Variants in CNOT4 observed in about 807,000 individuals in gnomAD.
CNOT4 encodes the protein CCR4-associated factor 4.
In CNOT4, 8 loss-of-function variants were observed where a neutral mutation model predicts 73.8. The ratio of observed to expected loss-of-function variants is 0.11; its 90% CI spans 0.06 to 0.20. The LOEUF (loss-of-function observed/expected upper bound fraction) is 0.20, where lower values mean the gene tolerates loss of function less well. Ranked by LOEUF, CNOT4 falls within the 10% of genes least tolerant of loss-of-function variation. The probability of loss-of-function intolerance (pLI) is 1.00; values close to 1 mark genes in which losing one functional copy is unlikely to be tolerated. For missense variants in CNOT4, 564 were observed against 883.4 expected (o/e 0.64, Z 4.58); for synonymous variants, 293 against 321.1 (o/e 0.91, Z 0.94).
chr7:135,502,507 CAA>C (rs1024777826), intron 1 of CNOT4, among the ~76,000 whole-genome samples: 11 of 152,160 alleles, frequency 7.2e-5, no homozygotes, highest in Non-Finnish European at 1.3e-4. Flanking sequence ...GTTCCATAAG[CAA>C]AGTCTGTTTG....
At chr7:135,503,773 A>G (rs574070468) in intron 1 of CNOT4, among the ~76,000 whole-genome samples, 12 of 152,346 alleles carry the variant, frequency 7.9e-5, no homozygotes, top group South Asian at 4.1e-4. Flanking sequence ...AGGAAAAAAT[A>G]TAATCAAATA....
intron 1 of CNOT4, among the ~76,000 whole-genome samples, chr7:135,459,248 G>T (rs187809029): frequency 6.6e-6 from 1 of 151,998 alleles, no homozygotes; most frequent in African/African-American, 2.4e-5. Flanking sequence ...CGGGCTTAAC[G>T]TTCCCTAAAC....
At chr7:135,411,989 C>CA (rs1337394981) in intron 6 of CNOT4, among the ~76,000 whole-genome samples, 2 of 151,736 alleles carry the variant, frequency 1.3e-5, no homozygotes, top group South Asian at 2.1e-4. Flanking sequence ...ACAACAACAA[C>CA]AAAAAATCCC....
At chr7:135,385,494 G>A (rs748745192) in intron 10 of CNOT4, among the ~76,000 whole-genome samples, 2 of 152,170 alleles carry the variant, frequency 1.3e-5, no homozygotes, top group Non-Finnish European at 2.9e-5. Flanking sequence ...CAGTGGAAAT[G>A]TGCAGAGGTA....
chr7:135,431,025 G>A (rs1230791622), intron 2 of CNOT4, among the ~76,000 whole-genome samples: 3 of 152,208 alleles, frequency 2.0e-5, no homozygotes, highest in African/African-American at 4.8e-5. Flanking sequence ...GCATTTTGGA[G>A]GGGACTGAGG....
At chr7:135,490,941 G>T (rs1295298912) in intron 1 of CNOT4, among the ~76,000 whole-genome samples, 1 of 152,192 alleles carries the variant, frequency 6.6e-6, no homozygotes, top group Non-Finnish European at 1.5e-5. Context: ...GTTGAATTCT[G>T]GATATGTTTT....
At chr7:135,372,523 C>T (rs1429140348) in intron 10 of CNOT4, among the ~76,000 whole-genome samples, 1 of 151,898 alleles carries the variant, frequency 6.6e-6, no homozygotes, top group Non-Finnish European at 1.5e-5. Context: ...TGTATGTTTC[C>T]CAAACATATA....
chr7:135,496,102 G>GT (rs1311885292), intron 1 of CNOT4, among the ~76,000 whole-genome samples: 2 of 151,450 alleles, frequency 1.3e-5, no homozygotes. Flanking sequence ...TTGTTTTTTT[G>GT]TTTTTTGAGA....
rs551457994 is a variant in CNOT4 at position 135,413,685 on chromosome 7, T to G, written c.562-72A>C. ...GACAACACAATGAGAATCTCCATGT[T>G]TAGTGTTTTCAAGTCACCTAAAATG... On this transcript the variant is annotated intron_variant, in intron 5 of 11. Transcript: ENST00000541284. 422 of 1,494,270 alleles carry G rather than the reference T, an allele frequency of 2.8e-4. 4 individuals are homozygous for G. In the African/African-American group the frequency reaches 4.4e-3, roughly 16 times the overall value. The allele number at this position is 1,494,270 out of a possible 1,614,324, so 92.6% of individuals were successfully genotyped here. A position where few individuals can be genotyped will look rare whatever the true frequency, so the allele number is the denominator to read the frequency against.
At chr7:135,402,388 C>T (rs1797047571) in intron 7 of CNOT4, among the ~76,000 whole-genome samples, 1 of 152,040 alleles carries the variant, frequency 6.6e-6, no homozygotes, top group African/African-American at 2.4e-5. Context: ...GGGATTCAGG[C>T]GTGAGCCACG....
intron 10 of CNOT4, chr7:135,388,694 G>A: frequency 2.0e-6 from 3 of 1,470,088 alleles, no homozygotes; most frequent in Non-Finnish European, 2.7e-6. Flanking sequence ...TGGCTCTTCT[G>A]GGTGTATACA....
intron 1 of CNOT4, among the ~76,000 whole-genome samples, chr7:135,455,313 T>C (rs975708696): frequency 1.3e-5 from 2 of 151,960 alleles, no homozygotes; most frequent in Non-Finnish European, 2.9e-5. Context: ...AAAAAAGCTT[T>C]AAATTCATAT....
chr7:135,419,721 G>A (rs2129484411), intron 3 of CNOT4, among the ~76,000 whole-genome samples: 1 of 152,078 alleles, frequency 6.6e-6, no homozygotes, highest in South Asian at 2.1e-4. Flanking sequence ...AATCTTACTA[G>A]AGTTACTTGA....
intron 1 of CNOT4, among the ~76,000 whole-genome samples, chr7:135,487,844 G>A (rs542421520): frequency 1.8e-4 from 27 of 152,296 alleles, no homozygotes; most frequent in Admixed American, 3.3e-4. Context: ...ACGAGGTCAG[G>A]AGATCGAGAC....
At chr7:135,386,966 C>T (rs751582158) in intron 10 of CNOT4, 2 of 481,992 alleles carry the variant, frequency 4.1e-6, no homozygotes, top group Non-Finnish European at 5.4e-6. Flanking sequence ...CAATGAAAGG[C>T]TAACACTGAA....
intron 1 of CNOT4, among the ~76,000 whole-genome samples, chr7:135,452,927 G>C (rs1490837108): frequency 6.6e-6 from 1 of 152,184 alleles, no homozygotes; most frequent in African/African-American, 2.4e-5. Flanking sequence ...AGACTAATTA[G>C]TGTGCTAAAT....
chr7:135,493,458 G>T (rs1195737592), intron 1 of CNOT4, among the ~76,000 whole-genome samples: 3 of 152,164 alleles, frequency 2.0e-5, no homozygotes, highest in African/African-American at 7.2e-5. Flanking sequence ...AGCAAAGTAC[G>T]AAGTAGACAA....
chr7:135,402,064 TA>T, intron 7 of CNOT4, among the ~76,000 whole-genome samples: 1 of 152,006 alleles, frequency 6.6e-6, no homozygotes, highest in East Asian at 1.9e-4. Context: ...TCCTTTTTTT[TA>T]AAGTTTCAGT....
At chr7:135,496,332 A>G (rs991395594) in intron 1 of CNOT4, among the ~76,000 whole-genome samples, 6 of 152,230 alleles carry the variant, frequency 3.9e-5, no homozygotes, top group African/African-American at 1.4e-4. Context: ...ACCTCACGTC[A>G]TCTGCTCGCC....
Sources: gnomAD v4.1 joint callset for allele counts (sites outside exome capture counted in the v4.1 genomes callset) on GRCh38, gnomAD v4.1.1 for gene constraint, MANE v1.5 for transcripts, NCBI Gene and HGNC (gene_info 2026-07-23, HGNC 2026-07-21) for gene names.